Variants in R3HCC1L observed in about 807,000 individuals in gnomAD.
R3HCC1L encodes the protein coiled-coil domain-containing protein R3HCC1L.
R3HCC1L carries 51 observed loss-of-function variants against 59.9 expected under a neutral mutation model. The ratio of observed to expected loss-of-function variants is 0.85; its 90% CI spans 0.68 to 1.07. The LOEUF (loss-of-function observed/expected upper bound fraction) is 1.07. Ranked by LOEUF, R3HCC1L falls within the 50% of genes least tolerant of loss-of-function variation. The pLI, the probability that R3HCC1L is intolerant of heterozygous loss-of-function variation, is 0.00. For synonymous variants in R3HCC1L, 322 were observed against 315.2 expected (o/e 1.02, Z -0.23); for missense variants, 965 against 933.0 (o/e 1.03, Z -0.45).
chr10:98,175,323 C>T (rs2134431855), intron 4 of R3HCC1L, among the ~76,000 whole-genome samples: 1 of 152,174 alleles, frequency 6.6e-6, no homozygotes, highest in East Asian at 1.9e-4. Context: ...CATTAAAAAA[C>T]TTAAGATTAT....
intron 4 of R3HCC1L, among the ~76,000 whole-genome samples, chr10:98,192,558 T>C (rs78747404): frequency 0.025 from 3,762 of 152,194 alleles, 148 homozygotes; most frequent in African/African-American, 0.081. Context: ...AAGAAACTGA[T>C]AGATTTCTAG....
intron 4 of R3HCC1L, among the ~76,000 whole-genome samples, chr10:98,177,925 G>GT (rs1192393383): frequency 1.3e-5 from 2 of 152,074 alleles, no homozygotes; most frequent in Non-Finnish European, 2.9e-5. Context: ...TTGTAAATTT[G>GT]TTTAAGTTCT....
intron 4 of R3HCC1L, among the ~76,000 whole-genome samples, chr10:98,207,638 A>G (rs2135238962): frequency 6.6e-6 from 1 of 152,182 alleles, no homozygotes; most frequent in South Asian, 2.1e-4. Context: ...TCTAGCCAAC[A>G]TTCAAGTTAC....
At position 98,231,806 on chromosome 10, in the gene R3HCC1L, G is replaced by C. The variant is rs545719181; in HGVS notation, c.1961+119G>C. ...GTTTTTCATATTTTAGCATCAGGCTGGTTTATTGTCTTTTCCAGGTCCAGT... is the reference window on the plus strand; with the variant it reads ...GTTTTTCATATTTTAGCATCAGGCTCGTTTATTGTCTTTTCCAGGTCCAGT... On this transcript the variant is annotated intron_variant, in intron 6 of 9. Transcript: ENST00000298999. 12 of 1,099,950 alleles carry C rather than the reference G, an allele frequency of 1.1e-5. No individual in the cohort carries two copies. In the East Asian group the frequency reaches 3.1e-4, roughly 29 times the overall value. 68.1% of individuals were successfully genotyped at this position (1,099,950 alleles called of 1,614,324 possible). A position where few individuals can be genotyped will look rare whatever the true frequency, so the allele number is the denominator to read the frequency against.
Position 98,231,552 on chromosome 10 carries a change from C to A in R3HCC1L, c.1826C>A (p.Pro609His), listed in dbSNP as rs768216548. The A allele has an allele frequency of 6.2e-6, 10 of 1,613,244 alleles. No homozygotes were observed. The highest frequency in any genetic ancestry group is 2.2e-5 in the South Asian group (2 of 90,946). ...NTKSRESIQE[P>H]RSDYYNHEVP... ...AAGAGCAGAGAGAGCATCCAGGAAC[C>A]TAGATCTGATTACTACAATCATGAA... The change falls in exon 6 of 10, where the codon CCT becomes CAT. Residue 609 changes from proline (P) to histidine (H), a missense_variant. Pro to His is a moderately conservative substitution (Grantham distance 77). Transcript: ENST00000298999.
chr10:98,201,462 T>TA (rs912375617), intron 4 of R3HCC1L, among the ~76,000 whole-genome samples: 33 of 152,298 alleles, frequency 2.2e-4, no homozygotes, highest in African/African-American at 6.5e-4. Flanking sequence ...TGATAAAACT[T>TA]AAAGATATTA....
rs558951746 is a variant in R3HCC1L, at chr10:98,242,083, G to A, written c.2270-2008G>A. On this transcript the variant is annotated intron_variant, in intron 9 of 9. Transcript: ENST00000298999. ...TTTCAGGCCGGGCACAGTGGCTCACGCCTGTCATCCCAGCACTTTGGGAGG... is the reference window on the plus strand; with the variant it reads ...TTTCAGGCCGGGCACAGTGGCTCACACCTGTCATCCCAGCACTTTGGGAGG... 6.2e-4 allele frequency among the ~76,000 whole-genome samples: 95 copies of A among 152,238 alleles called. 1 individual carries two copies. The Middle Eastern group carries it at 0.01, about 16-fold the overall frequency.
At chr10:98,147,056 C>A (rs191811537) in intron 1 of R3HCC1L, among the ~76,000 whole-genome samples, 104 of 152,258 alleles carry the variant, frequency 6.8e-4, no homozygotes, top group Middle Eastern at 3.4e-3. Context: ...TTCTCCATAT[C>A]CTCACCAGCA....
rs142615551 is a variant in R3HCC1L at position 98,208,887 on chromosome 10, A to G, written c.773A>G (p.Asn258Ser). The G allele has an allele frequency of 1.1e-5, 17 of 1,614,076 alleles. No individual in the cohort carries two copies. Among genetic ancestry groups the G allele is most frequent in the African/African-American group, 8.0e-5 (6 of 74,950 alleles). Residue 258 changes from asparagine to serine, a missense_variant, in exon 5 of 10, where the codon AAT becomes AGT. Transcript: ENST00000298999. The part of the protein sequence containing the change: ...QSMQTSDGIL[N>S]PSSGGITTTS... ...ATGCAAACATCAGATGGAATATTGA[A>G]TCCCAGCAGCGGAGGCATCACCACT...
intron 7 of R3HCC1L, among the ~76,000 whole-genome samples, chr10:98,234,939 T>A: frequency 6.6e-6 from 1 of 152,184 alleles, no homozygotes; most frequent in East Asian, 1.9e-4. Context: ...ACATATACCA[T>A]TGGCCTCATG....
At chr10:98,198,233 T>C (rs111991788) in intron 4 of R3HCC1L, among the ~76,000 whole-genome samples, 22 of 152,240 alleles carry the variant, frequency 1.4e-4, no homozygotes, top group African/African-American at 5.3e-4. Flanking sequence ...TAAAAGTGTA[T>C]AATTATCTTA....
At chr10:98,176,157 C>T (rs1848997789) in intron 4 of R3HCC1L, among the ~76,000 whole-genome samples, 1 of 152,126 alleles carries the variant, frequency 6.6e-6, no homozygotes, top group Non-Finnish European at 1.5e-5. Flanking sequence ...TCCAATGTGA[C>T]ACTTACCTGA....
intron 1 of R3HCC1L, among the ~76,000 whole-genome samples, chr10:98,135,187 A>G (rs1407066489): frequency 1.3e-5 from 2 of 152,194 alleles, no homozygotes; most frequent in Non-Finnish European, 1.5e-5. Flanking sequence ...ATAAAGGAGC[A>G]TGTACTTCCT....
At chr10:98,237,734 C>T (rs996884724) in intron 9 of R3HCC1L, among the ~76,000 whole-genome samples, 10 of 152,116 alleles carry the variant, frequency 6.6e-5, no homozygotes, top group African/African-American at 1.9e-4. Context: ...TATGCTCCAG[C>T]GTGCTACCAT....
intron 5 of R3HCC1L, among the ~76,000 whole-genome samples, chr10:98,220,831 A>G (rs1408040717): frequency 6.0e-5 from 9 of 149,620 alleles, no homozygotes; most frequent in Middle Eastern, 3.5e-3. Flanking sequence ...TAATGCCGCA[A>G]TAAACATACG....
rs370702205 is a variant in R3HCC1L at position 98,193,562 on chromosome 10, G to A, written c.-14-14539G>A. ...AGAGTAAACTTAATCGAGGGGAGAA[G>A]GACATACATTGAAAACTATAAAACA... is the stretch of plus-strand genomic sequence containing the variant. On this transcript the variant is annotated intron_variant, in intron 4 of 9. Transcript: ENST00000298999. Among the ~76,000 whole-genome samples the A allele has an allele frequency of 3.3e-5, 5 of 152,024 alleles. No individual in the cohort carries two copies. The South Asian group carries it at 1.0e-3, about 32-fold the overall frequency.
intron 4 of R3HCC1L, among the ~76,000 whole-genome samples, chr10:98,186,036 A>G (rs1590618887): frequency 6.6e-6 from 1 of 152,184 alleles, no homozygotes; most frequent in Non-Finnish European, 1.5e-5. Flanking sequence ...AGGAAGAGGG[A>G]AGACTTGGGA....
intron 1 of R3HCC1L, among the ~76,000 whole-genome samples, chr10:98,142,637 CAA>C (rs529534628): frequency 1.5e-5 from 2 of 134,794 alleles, no homozygotes. Flanking sequence ...GACTCTGTCT[CAA>C]AAAAAAAAAA....
chr10:98,210,590 TA>T (rs1285501714), intron 5 of R3HCC1L, among the ~76,000 whole-genome samples: 1 of 152,184 alleles, frequency 6.6e-6, no homozygotes, highest in Non-Finnish European at 1.5e-5. Flanking sequence ...TGGTTTTAAG[TA>T]GTAGAACACT....
Sources: allele counts gnomAD v4.1 joint callset (sites outside exome capture counted in the v4.1 genomes callset), GRCh38; gene constraint gnomAD v4.1.1; transcripts MANE v1.5; gene names NCBI Gene and HGNC (gene_info 2026-07-23, HGNC 2026-07-21).